The following ANXA2 variants were observed in gnomAD, a reference collection of about 807,000 sequenced individuals.
ANXA2 encodes annexin II.
ANXA2 carries 28 observed loss-of-function variants against 47.3 expected under a neutral mutation model. The ratio of observed to expected loss-of-function variants is 0.59; its 90% CI spans 0.44 to 0.81. The LOEUF (loss-of-function observed/expected upper bound fraction) is 0.81. Ranked by LOEUF, ANXA2 falls within the 40% of genes least tolerant of loss-of-function variation. The pLI is 0.00. For missense variants in ANXA2, 384 were observed against 414.3 expected (o/e 0.93, Z 0.64); for synonymous variants, 172 against 155.5 (o/e 1.11, Z -0.79).
chr15:60,394,110 G>A (rs2063050251), intron 1 of ANXA2, among the ~76,000 whole-genome samples: 1 of 152,126 alleles, frequency 6.6e-6, no homozygotes, highest in Admixed American at 6.5e-5. Flanking sequence ...CCCCACCTCT[G>A]TGCTGTCAGG....
chr15:60,374,607 G>A (rs1253238881), intron 3 of ANXA2: 2 of 456,102 alleles, frequency 4.4e-6, no homozygotes, highest in South Asian at 1.5e-5. Context: ...GGTGATGAAA[G>A]CTGATGCTTA....
At chr15:60,374,597 G>A (rs2062753128) in intron 3 of ANXA2, 1 of 456,076 alleles carries the variant, frequency 2.2e-6, no homozygotes, top group Non-Finnish European at 4.4e-6. Context: ...AAGAGAGGCA[G>A]GTGATGAAAG....
intron 1 of ANXA2, chr15:60,394,684 G>C (rs979338382): frequency 4.1e-5 from 6 of 147,022 alleles, no homozygotes; most frequent in Non-Finnish European, 7.5e-5. Flanking sequence ...GGGTGACAGA[G>C]CCAGGCTCCA....
intron 1 of ANXA2, among the ~76,000 whole-genome samples, chr15:60,387,820 A>T (rs1051120374): frequency 2.0e-5 from 3 of 152,084 alleles, no homozygotes; most frequent in Non-Finnish European, 4.4e-5. Flanking sequence ...AGCTATGCGT[A>T]TGTGGGAACA....
intron 7 of ANXA2, among the ~76,000 whole-genome samples, chr15:60,354,542 A>G (rs2062396217): frequency 6.8e-6 from 1 of 148,118 alleles, no homozygotes; most frequent in Non-Finnish European, 1.5e-5. Flanking sequence ...AGGCAGGAGA[A>G]TCGCTTGAAC....
At position 60,352,178 on chromosome 15, in the gene ANXA2, A is replaced by T. The variant is rs34493728; in HGVS notation, c.682+205T>A. Among the ~76,000 whole-genome samples, 41,366 of 152,220 alleles carry T rather than the reference A, an allele frequency of 0.27. 6,184 individuals are homozygous for T. Among genetic ancestry groups the T allele is most frequent in the Middle Eastern group, 0.4 (119 of 294 alleles). On this transcript the variant is annotated intron_variant, in intron 9 of 12. Coordinates refer to ENST00000451270, the MANE Select transcript of ANXA2 (RefSeq NM_004039.3). The surrounding 1 kb of genome is among the most constrained non-coding windows in gnomAD (Gnocchi z 4.2). Reference sequence around the variant, plus strand: ...TGATCATCAAACAAGAAGGAGCTGCAGAATAAAGCACCAAATGCAGAAACT... The same window carrying T: ...TGATCATCAAACAAGAAGGAGCTGCTGAATAAAGCACCAAATGCAGAAACT...
chr15:60,370,246 T>C (rs1345737450), intron 3 of ANXA2, among the ~76,000 whole-genome samples: 3 of 152,088 alleles, frequency 2.0e-5, no homozygotes, highest in Non-Finnish European at 4.4e-5. Flanking sequence ...TACAAAGAAA[T>C]GAAATGGAGG....
intron 1 of ANXA2, among the ~76,000 whole-genome samples, chr15:60,392,340 AC>A (rs1258716904): frequency 1.3e-5 from 2 of 152,102 alleles, no homozygotes; most frequent in Non-Finnish European, 2.9e-5. Context: ...AACTGCCATT[AC>A]TTTTAATGGC....
chr15:60,366,663 C>A (rs1230632986), intron 3 of ANXA2, among the ~76,000 whole-genome samples: 1 of 143,948 alleles, frequency 6.9e-6, no homozygotes, highest in South Asian at 2.2e-4. Context: ...CCACCCCGTC[C>A]GGGAGGGAGG....
At chr15:60,357,671 T>C (rs1186106017) in intron 5 of ANXA2, among the ~76,000 whole-genome samples, 1 of 152,010 alleles carries the variant, frequency 6.6e-6, no homozygotes, top group Non-Finnish European at 1.5e-5. Flanking sequence ...CGGGCGCCTG[T>C]AGTCCCAGCT....
At chr15:60,386,447 C>G (rs2062934715) in intron 1 of ANXA2, 1 of 171,488 alleles carries the variant, frequency 5.8e-6, no homozygotes, top group Admixed American at 6.1e-5. Flanking sequence ...GCTTGCCGAA[C>G]CAGCCACTAC....
intron 3 of ANXA2, among the ~76,000 whole-genome samples, chr15:60,369,274 C>A (rs1002960228): frequency 1.3e-5 from 2 of 152,218 alleles, no homozygotes; most frequent in Admixed American, 6.5e-5. Context: ...TCATGCCTAC[C>A]CACACATGCG....
intron 3 of ANXA2, among the ~76,000 whole-genome samples, chr15:60,368,768 T>A (rs1411222630): frequency 1.3e-5 from 2 of 152,208 alleles, no homozygotes; most frequent in South Asian, 2.1e-4. Context: ...GGGTTTTTTT[T>A]AATACCCGGT....
chr15:60,368,314 A>T (rs1566939445), intron 3 of ANXA2, among the ~76,000 whole-genome samples: 1 of 80,474 alleles, frequency 1.2e-5, no homozygotes, highest in Non-Finnish European at 2.7e-5. Context: ...TCAATAAAAA[A>T]AAAAAATAAA....
In ANXA2 at chr15:60,352,046, C is replaced by A. The variant is rs949489800; in HGVS notation, c.683-227G>T. Among the ~76,000 whole-genome samples the A allele has an allele frequency of 1.3e-5, 2 of 152,148 alleles. No individual in the cohort carries two copies. The highest frequency in any genetic ancestry group is 4.8e-5 in the African/African-American group (2 of 41,430). ...GCACTGCCCAGGCCACATATTTGGA[C>A]CATCTCTATCTCCCCTGAGTGGAAC... On this transcript the variant is annotated intron_variant, in intron 9 of 12. Coordinates refer to ENST00000451270, the MANE Select transcript of ANXA2 (RefSeq NM_004039.3). This position sits in a 1 kb window ranked among gnomAD's most constrained non-coding sequence, Gnocchi z 4.2.
intron 1 of ANXA2, 63 bp from the exon 2 acceptor site, chr15:60,386,149 G>A (rs555185617): frequency 1.5e-5 from 18 of 1,185,502 alleles, no homozygotes; most frequent in South Asian, 3.9e-5. Flanking sequence ...GAAGCACAGC[G>A]ATTCATTATG....
chr15:60,395,218 G>A lies in ANXA2; in HGVS notation c.-12+2725C>T, dbSNP rs151048440. ...TAAAATCCAACAATTCACTTATTTTGTCTCTTTTCCTTCTCTCTCCGCCAG... is the reference window on the plus strand; with the variant it reads ...TAAAATCCAACAATTCACTTATTTTATCTCTTTTCCTTCTCTCTCCGCCAG... On this transcript the variant is annotated intron_variant, in intron 1 of 12. Transcript: ENST00000451270. 3.0e-4 allele frequency among the ~76,000 whole-genome samples: 45 copies of A among 152,262 alleles called. No individual in the cohort carries two copies. In the Middle Eastern group the frequency reaches 0.01, roughly 35 times the overall value.
chr15:60,382,319 A>G (rs2062872775), intron 3 of ANXA2, 23 bp downstream of exon 3: 7 of 1,583,530 alleles, frequency 4.4e-6, no homozygotes, highest in African/African-American at 4.0e-5. Flanking sequence ...CCCTGACAAG[A>G]AGAGGACAAA....
At chr15:60,378,188 G>C (rs953187902) in intron 3 of ANXA2, among the ~76,000 whole-genome samples, 3 of 152,162 alleles carry the variant, frequency 2.0e-5, no homozygotes, top group African/African-American at 7.2e-5. Context: ...CACATTTAAG[G>C]TGAATGGATG....
Sources: gnomAD v4.1 joint callset for allele counts (sites outside exome capture counted in the v4.1 genomes callset) on GRCh38, gnomAD v4.1.1 for gene constraint, Gnocchi (gnomAD v3.1) non-coding constraint, MANE v1.5 for transcripts, NCBI Gene and HGNC (gene_info 2026-07-23, HGNC 2026-07-21) for gene names.